The following AFF2 variants were observed in gnomAD, a reference collection of about 807,000 sequenced individuals.
AFF2 encodes the protein ALF transcription elongation factor 2, also known as AF4/FMR2 family member 2.
AFF2 carries 14 observed loss-of-function variants against 76.9 expected under a neutral mutation model. The observed-to-expected ratio is 0.18, with a 90% CI of 0.12 to 0.28. The LOEUF (loss-of-function observed/expected upper bound fraction) is 0.28, where lower values mean the gene tolerates loss of function less well. AFF2 is among the 10% of genes least tolerant of loss of function. The pLI, the probability that AFF2 is intolerant of heterozygous loss-of-function variation, is 1.00. For missense variants in AFF2, 868 were observed against 1,001.1 expected, an observed-to-expected ratio of 0.87 and a Z score of 1.79; for synonymous variants, 398 against 366.7, an observed-to-expected ratio of 1.09 and a Z score of -0.98.
chrX:148,566,487 T>C (rs2053172623), intron 1 of AFF2, among the ~76,000 whole-genome samples: 2 of 111,265 alleles, frequency 1.8e-5, no homozygotes, highest in Non-Finnish European at 3.8e-5. Flanking sequence ...TCTCAGACAA[T>C]AGTTCTCTAT....
intron 3 of AFF2, among the ~76,000 whole-genome samples, chrX:148,776,382 G>A (rs959117564): frequency 8.9e-6 from 1 of 111,779 alleles, no homozygotes; most frequent in Non-Finnish European, 1.9e-5. Flanking sequence ...CCCAGTAATG[G>A]GATTGCTGGG....
chrX:148,660,624 C>T (rs1373918945), intron 2 of AFF2, among the ~76,000 whole-genome samples: 1 of 111,932 alleles, frequency 8.9e-6, no homozygotes, highest in African/African-American at 3.3e-5. Context: ...TGGTCACTCC[C>T]TCCTGTGCAC....
intron 1 of AFF2, among the ~76,000 whole-genome samples, chrX:148,520,114 C>T (rs1466923211): frequency 9.0e-6 from 1 of 111,540 alleles, no homozygotes; most frequent in African/African-American, 3.3e-5. Flanking sequence ...GGGCCTGCTG[C>T]TTGTCTAGAA....
chrX:148,958,802 A>G (rs1314484642), intron 12 of AFF2, among the ~76,000 whole-genome samples: 2 of 111,349 alleles, frequency 1.8e-5, no homozygotes, highest in Non-Finnish European at 3.8e-5. Context: ...GAGAACCCCT[A>G]TCACTTTAAC....
intron 1 of AFF2, among the ~76,000 whole-genome samples, chrX:148,623,115 A>G (rs1431717295): frequency 9.0e-6 from 1 of 111,376 alleles, no homozygotes; most frequent in African/African-American, 3.3e-5. Context: ...GGTTATAAAG[A>G]TGGTATCATA....
At chrX:148,723,967 G>A (rs186859267) in intron 3 of AFF2, among the ~76,000 whole-genome samples, 6 of 101,373 alleles carry the variant, frequency 5.9e-5, no homozygotes, top group African/African-American at 1.1e-4. Context: ...GACATGGGGC[G>A]GAAACAGGAA....
chrX:148,638,423 A>G (rs1487373493), intron 1 of AFF2, among the ~76,000 whole-genome samples: 3 of 111,117 alleles, frequency 2.7e-5, no homozygotes, highest in African/African-American at 9.8e-5. Context: ...ACTCCCTCAC[A>G]ATCATGAGAG....
In AFF2 at chrX:148,711,985, G is replaced by T. The variant is rs577671345; in HGVS notation, c.1041+49217G>T. 2.7e-4 allele frequency among the ~76,000 whole-genome samples: 30 copies of T among 111,595 alleles called. No individual in the cohort carries two copies. The South Asian group carries it at 0.011, about 42-fold the overall frequency. ...TCATCTCCTCCTTTGGATTTTTGTAGTGGTGGTGGTGGTTGCTCATCTCGA... is the reference window on the plus strand; with the variant it reads ...TCATCTCCTCCTTTGGATTTTTGTATTGGTGGTGGTGGTTGCTCATCTCGA... On this transcript the variant is annotated intron_variant, in intron 3 of 20. Transcript: ENST00000370460.
At chrX:148,824,515 A>G in intron 4 of AFF2, among the ~76,000 whole-genome samples, 1 of 112,122 alleles carries the variant, frequency 8.9e-6, no homozygotes, top group Non-Finnish European at 1.9e-5. Flanking sequence ...AGAAACTCAC[A>G]TTGTATACCA....
At chrX:148,758,492 T>C (rs782550154) in intron 3 of AFF2, among the ~76,000 whole-genome samples, 12 of 112,014 alleles carry the variant, frequency 1.1e-4, no homozygotes, top group Middle Eastern at 4.6e-3. Flanking sequence ...CATAATTTCA[T>C]GAATAAGCAA....
intron 15 of AFF2, among the ~76,000 whole-genome samples, chrX:148,970,899 C>T (rs2072242139): frequency 9.0e-6 from 1 of 111,435 alleles, no homozygotes; most frequent in Non-Finnish European, 1.9e-5. Context: ...TAAAAAGCAG[C>T]CCTTAGTTGC....
intron 3 of AFF2, among the ~76,000 whole-genome samples, chrX:148,775,229 A>C (rs1016084226): frequency 1.8e-5 from 2 of 111,802 alleles, no homozygotes; most frequent in African/African-American, 6.5e-5. Context: ...TTTACCTATA[A>C]GTTCTGTATA....
At chrX:148,739,013 T>C (rs1167613323) in intron 3 of AFF2, among the ~76,000 whole-genome samples, 6 of 112,108 alleles carry the variant, frequency 5.4e-5, no homozygotes, top group Non-Finnish European at 9.4e-5. Flanking sequence ...TTCTTAAATG[T>C]ATTGAGGCGC....
intron 1 of AFF2, among the ~76,000 whole-genome samples, chrX:148,554,175 AG>A (rs1205712792): frequency 8.9e-6 from 1 of 112,763 alleles, no homozygotes; most frequent in African/African-American, 3.2e-5. Context: ...TAAACAAAAA[AG>A]AATATTAAAC....
chrX:148,631,148 T>C (rs1170028317), intron 1 of AFF2, among the ~76,000 whole-genome samples: 2 of 111,771 alleles, frequency 1.8e-5, no homozygotes, highest in South Asian at 3.7e-4. Context: ...TTTTCCTCTT[T>C]AGGTTAGTTG....
At chrX:148,837,225 G>C (rs1427714947) in intron 4 of AFF2, among the ~76,000 whole-genome samples, 2 of 111,926 alleles carry the variant, frequency 1.8e-5, no homozygotes, top group Non-Finnish European at 3.8e-5. Context: ...CCCAATAAAT[G>C]AATGAACAAG....
intron 1 of AFF2, among the ~76,000 whole-genome samples, chrX:148,549,602 G>A (rs1557238626): frequency 9.0e-6 from 1 of 111,520 alleles, no homozygotes; most frequent in African/African-American, 3.3e-5. Context: ...CTCCGTTTTA[G>A]AGCCTAGGCC....
chrX:148,962,237 C>T (rs1350793442), intron 12 of AFF2, among the ~76,000 whole-genome samples: 1 of 112,532 alleles, frequency 8.9e-6, no homozygotes, highest in Non-Finnish European at 1.9e-5. Context: ...AATGCGTAAG[C>T]ATAATATTTC....
intron 7 of AFF2, among the ~76,000 whole-genome samples, chrX:148,874,557 AC>A (rs1386156446): frequency 3.6e-5 from 4 of 111,757 alleles, no homozygotes; most frequent in Admixed American, 9.5e-5. Flanking sequence ...TATTTCCTTT[AC>A]ACATTGTTAC....
Sources: allele counts gnomAD v4.1 joint callset (sites outside exome capture counted in the v4.1 genomes callset), GRCh38; gene constraint gnomAD v4.1.1; transcripts MANE v1.5; gene names NCBI Gene and HGNC (gene_info 2026-07-23, HGNC 2026-07-21).